The following SLC39A12 variants were observed in gnomAD, a reference collection of about 807,000 sequenced individuals.
SLC39A12 encodes zinc transporter ZIP12.
Under a neutral mutation model 71.1 loss-of-function variants are expected in SLC39A12, and 63 were observed. The ratio of observed to expected loss-of-function variants is 0.89; its 90% confidence interval spans 0.72 to 1.09. The LOEUF is 1.09. Ranked by LOEUF, SLC39A12 falls within the 50% of genes least tolerant of loss-of-function variation. SLC39A12 has a pLI of 0.00. For missense variants in SLC39A12, 892 were observed against 812.6 expected, an observed-to-expected ratio of 1.10 and a Z score of -1.19; for synonymous variants, 351 against 301.3, an observed-to-expected ratio of 1.16 and a Z score of -1.71.
chr10:18,010,516 G>A (rs939562250), intron 12 of SLC39A12: 3 of 152,164 alleles, frequency 2.0e-5, no homozygotes, highest in African/African-American at 7.2e-5. Flanking sequence ...CAAGAAGGGT[G>A]AATCATTCTT....
chr10:17,969,709 A>G (rs1834921642), intron 4 of SLC39A12, among the ~76,000 whole-genome samples: 3 of 152,148 alleles, frequency 2.0e-5, no homozygotes, highest in Non-Finnish European at 2.9e-5. Flanking sequence ...TGAGATGAGT[A>G]GCTCGCAAAT....
intron 3 of SLC39A12, 70 bp downstream of exon 3, chr10:17,961,932 T>C (rs1158924229): frequency 1.4e-6 from 2 of 1,461,498 alleles, no homozygotes; most frequent in Non-Finnish European, 9.2e-7. Flanking sequence ...GTTTGTTCCT[T>C]ATTTATTTCT....
At chr10:18,036,784 A>ATTTTTTTTTT (rs1277319900) in intron 12 of SLC39A12, among the ~76,000 whole-genome samples, 3 of 7,680 alleles carry the variant, frequency 3.9e-4, no homozygotes, top group South Asian at 2.3e-3. Context: ...ATATATATAT[A>ATTTTTTTTTT]TATATATATA....
At chr10:18,016,627 T>C (rs753336756) in intron 12 of SLC39A12, among the ~76,000 whole-genome samples, 2 of 152,230 alleles carry the variant, frequency 1.3e-5, no homozygotes, top group Non-Finnish European at 2.9e-5. Flanking sequence ...CAAACTGTCT[T>C]CCAAAGTGGC....
rs1365806007 is a variant in SLC39A12 at position 18,036,676 on chromosome 10, G to A, written c.1948-6029G>A. On this transcript the variant is annotated intron_variant, in intron 12 of 12. Coordinates refer to ENST00000377369, the MANE Select transcript of SLC39A12 (RefSeq NM_001145195.2). ...ATTCGGCCATCTTGGCTCCTCCCCC[G>A]TGATATCTTTTACAACAAAGGCAGC... Among the ~76,000 whole-genome samples the A allele has an allele frequency of 2.7e-5, 4 of 147,792 alleles. 1 individual carries two copies. The highest frequency in any genetic ancestry group is 4.3e-4 in the South Asian group (2 of 4,650).
rs1202585956 is a variant in SLC39A12, at chr10:17,952,329, C to T, written c.-87+304C>T. 4.0e-5 allele frequency among the ~76,000 whole-genome samples: 6 copies of T among 148,644 alleles called. No homozygotes were observed. In the East Asian group the frequency reaches 1.2e-3, roughly 29 times the overall value. The stretch of plus-strand genomic sequence containing the variant: ...AGTGAGTGTGTGTGTGTGTGTGTGT[C>T]ATGTTCTTGAGGTCTCGAAATTCTG... On this transcript the variant is annotated intron_variant, in intron 1 of 12. Coordinates refer to ENST00000377369, the MANE Select transcript of SLC39A12 (RefSeq NM_001145195.2).
intron 12 of SLC39A12, among the ~76,000 whole-genome samples, chr10:18,041,982 G>A (rs543134453): frequency 6.7e-6 from 1 of 149,978 alleles, no homozygotes; most frequent in Non-Finnish European, 1.5e-5. Flanking sequence ...CTTAGTCATC[G>A]CTCTCTCTCT....
chr10:17,955,438 C>G (rs1834515521), intron 2 of SLC39A12, among the ~76,000 whole-genome samples: 1 of 152,142 alleles, frequency 6.6e-6, no homozygotes, highest in South Asian at 2.1e-4. Context: ...AAATGTCTCC[C>G]ATCATTCATG....
Position 17,978,092 on chromosome 10 carries a change from C to G in SLC39A12, c.924+18C>G. The G allele has an allele frequency of 1.3e-6, 2 of 1,530,978 alleles. No individual in the cohort carries two copies. The highest frequency in any genetic ancestry group is 2.3e-5 in the Admixed American group (1 of 43,476). 94.8% of individuals were successfully genotyped at this position (1,530,978 alleles called of 1,614,324 possible). A position where few individuals can be genotyped will look rare whatever the true frequency, so the allele number is the denominator to read the frequency against. ...GGGATCAGGTATTGCCATTGTTTCT[C>G]TTATTCAAGCATTTGCTACTGTCAA... On this transcript the variant is annotated intron_variant, in intron 5 of 12. Coordinates refer to ENST00000377369, the MANE Select transcript of SLC39A12 (RefSeq NM_001145195.2).
intron 12 of SLC39A12, among the ~76,000 whole-genome samples, chr10:18,035,670 G>C (rs1836984215): frequency 1.3e-5 from 2 of 152,196 alleles, no homozygotes; most frequent in Admixed American, 1.3e-4. Flanking sequence ...TCTCCATCCA[G>C]CTTTGTTCCG....
chr10:17,997,702 G>T (rs1835726248), intron 10 of SLC39A12, among the ~76,000 whole-genome samples: 1 of 152,144 alleles, frequency 6.6e-6, no homozygotes, highest in Admixed American at 6.5e-5. Context: ...CTTTGCCAGG[G>T]ACATACTGAA....
In SLC39A12 at chr10:17,987,777, T is replaced by G; in HGVS notation, c.1269+126T>G. On this transcript the variant is annotated intron_variant, in intron 7 of 12. Transcript: ENST00000377369. ...AGAGTATCGTGGCTGGTGTTTTCCT[T>G]AAAAAGAAATATTATTTCCCCAAGG... is the stretch of plus-strand genomic sequence containing the variant. 4 of 971,746 alleles carry G rather than the reference T, an allele frequency of 4.1e-6. No homozygotes were observed. In the South Asian group the frequency reaches 4.9e-5, roughly 12 times the overall value. The allele number at this position is 971,746 out of a possible 1,614,324, so 60.2% of individuals were successfully genotyped here. A position where few individuals can be genotyped will look rare whatever the true frequency, so the allele number is the denominator to read the frequency against.
chr10:18,008,160 C>G (rs566876981), intron 12 of SLC39A12, among the ~76,000 whole-genome samples: 22 of 152,300 alleles, frequency 1.4e-4, no homozygotes, highest in African/African-American at 5.1e-4. Context: ...AACGAGGCCG[C>G]ACAGTAGGAG....
At chr10:18,024,630 A>C (rs1197312351) in intron 12 of SLC39A12, among the ~76,000 whole-genome samples, 1 of 152,162 alleles carries the variant, frequency 6.6e-6, no homozygotes, top group Non-Finnish European at 1.5e-5. Flanking sequence ...TCTCTCTCAG[A>C]GAAGCACACG....
intron 12 of SLC39A12, among the ~76,000 whole-genome samples, chr10:18,033,258 T>C (rs1311824412): frequency 5.4e-5 from 8 of 148,258 alleles, no homozygotes; most frequent in Admixed American, 6.8e-5. Context: ...TGGTAGAATT[T>C]GGCTGTGAAT....
chr10:17,958,425 T>C (rs961232864), intron 2 of SLC39A12, among the ~76,000 whole-genome samples: 2 of 152,168 alleles, frequency 1.3e-5, no homozygotes, highest in African/African-American at 4.8e-5. Flanking sequence ...CTTGTTCTGA[T>C]TGATGTTAGA....
rs750566813 is a variant in SLC39A12, at chr10:17,981,453, C to G, written c.1066C>G (p.Gln356Glu). The G allele has an allele frequency of 6.2e-7, 1 of 1,613,506 alleles. No homozygotes were observed. The highest frequency in any genetic ancestry group is 1.1e-5 in the South Asian group (1 of 90,966). ...CTCCTGCCACTTACCCAAGGACCAA[C>G]AAGCAAAGCTGCCACCTACCACTCT... The part of the protein sequence containing the change: ...SCSCHLPKDQ[Q>E]AKLPPTTLEK... The change falls in exon 6 of 13, where the codon CAA (glutamine) becomes GAA (glutamate). Residue 356 changes from glutamine (Q) to glutamate (E), a missense_variant. Coordinates refer to ENST00000377369, the MANE Select transcript of SLC39A12 (RefSeq NM_001145195.2).
In SLC39A12 at chr10:18,003,208, G is replaced by A; in HGVS notation, c.1797G>A (p.Met599Ile). ...TGCTCTTAAGCTCTGGACTTTCTAT[G>A]AAGACTGCCATCCTGATGAATTTTA... The part of the protein sequence containing the change: ...FAVLLSSGLS[M>I]KTAILMNFIS... The change falls in exon 12 of 13, where the codon ATG becomes ATA. Residue 599 changes from methionine to isoleucine, a missense_variant. By Grantham distance (10) the Met-to-Ile change is conservative. Transcript: ENST00000377369. 3 of 1,614,032 alleles carry A rather than the reference G, an allele frequency of 1.9e-6. No individual in the cohort carries two copies. The highest frequency in any genetic ancestry group is 2.5e-6 in the Non-Finnish European group (3 of 1,179,996).
At chr10:18,036,794 A>ATATTTTTTTTTTTTTTTT (rs1554855475) in intron 12 of SLC39A12, among the ~76,000 whole-genome samples, 1 of 92,898 alleles carries the variant, frequency 1.1e-5, no homozygotes, top group African/African-American at 4.5e-5. Context: ...ATATATATAT[A>ATATTTTTTTTTTTTTTTT]TTTTTTTTTT....
Sources: allele counts gnomAD v4.1 joint callset (sites outside exome capture counted in the v4.1 genomes callset), GRCh38; gene constraint gnomAD v4.1.1; transcripts MANE v1.5; gene names NCBI Gene and HGNC (gene_info 2026-07-23, HGNC 2026-07-21).